The following LPIN2 variants were observed in gnomAD, a reference collection of about 807,000 sequenced individuals.
The protein encoded by LPIN2 is phosphatidate phosphatase LPIN2.
A neutral mutation model predicts 111.4 loss-of-function variants in LPIN2; 55 were observed. That is an observed-to-expected ratio of 0.49 (90% CI 0.40 to 0.62). LPIN2 has a LOEUF of 0.62. Among genes scored for constraint, LPIN2 ranks in the 20% least tolerant of loss-of-function variants. LPIN2 has a pLI of 0.00. For missense variants in LPIN2, 992 were observed against 1,112.1 expected, an observed-to-expected ratio of 0.89 and a Z score of 1.54; for synonymous variants, 425 against 414.0, an observed-to-expected ratio of 1.03 and a Z score of -0.32.
At chr18:2,951,468 T>G in intron 3 of LPIN2, 112 bp from the exon 4 acceptor site, 1 of 897,942 alleles carries the variant, frequency 1.1e-6, no homozygotes, top group Non-Finnish European at 1.7e-6. Context: ...AAAAAATACA[T>G]ATTCCCTAAA....
chr18:2,929,064 C>T lies in LPIN2; in HGVS notation c.1550+1G>A. 2 of 1,554,734 alleles carry T rather than the reference C, an allele frequency of 1.3e-6. No individual in the cohort carries two copies. The highest frequency in any genetic ancestry group is 2.2e-5 in the South Asian group (2 of 89,592). On this transcript the variant is annotated splice_donor_variant, in intron 10 of 19. Coordinates refer to ENST00000677752, the MANE Select transcript of LPIN2 (RefSeq NM_001375808.2). LOFTEE classifies it high-confidence loss of function. ...ACAATTATAAAAGCAGGAGTATTTA[C>T]CGATTATATATCCTTATTACAAGGT...
rs370048111 is a variant in LPIN2, at chr18:2,922,033, T to C, written c.2327+14A>G. ...CTGGGGCGGTGGGCAGAGGGCTGCC[T>C]GCCGGAGAGGTACCTGTGGAAGGCG... On this transcript the variant is annotated intron_variant, in intron 17 of 19. Transcript: ENST00000677752. 1.6e-5 allele frequency: 25 copies of C among 1,609,580 alleles called. No individual in the cohort carries two copies. In the African/African-American group the frequency reaches 3.2e-4, roughly 21 times the overall value.
intron 2 of LPIN2, among the ~76,000 whole-genome samples, chr18:2,956,479 T>A (rs367980917): frequency 1.3e-5 from 2 of 152,340 alleles, no homozygotes; most frequent in East Asian, 3.9e-4. Context: ...TAAAAGGAAC[T>A]GGCGTAAAAT....
intron 4 of LPIN2, among the ~76,000 whole-genome samples, chr18:2,942,974 G>A (rs566875258): frequency 6.6e-6 from 1 of 152,308 alleles, no homozygotes; most frequent in South Asian, 2.1e-4. Flanking sequence ...TCAGGGCTGG[G>A]GGCTCGGAGG....
At chr18:3,002,362 T>C (rs7232781) in intron 1 of LPIN2, among the ~76,000 whole-genome samples, 4,123 of 152,020 alleles carry the variant, frequency 0.027, 82 homozygotes, top group African/African-American at 0.058. Flanking sequence ...TCCATTCTAA[T>C]GAAAATCAAT....
At chr18:2,950,950 C>T in intron 4 of LPIN2, 105 bp downstream of exon 4, 1 of 1,260,968 alleles carries the variant, frequency 7.9e-7, no homozygotes, top group Non-Finnish European at 1.2e-6. Context: ...AGGGGGAAAA[C>T]AAGCCCAAAC....
chr18:2,924,561 T>A lies in LPIN2; in HGVS notation c.1939-15A>T. 1 of 1,613,748 alleles carries A rather than the reference T, an allele frequency of 6.2e-7. No individual in the cohort carries two copies. The highest frequency in any genetic ancestry group is 8.5e-7 in the Non-Finnish European group (1 of 1,179,642). On this transcript the variant is annotated splice_polypyrimidine_tract_variant and intron_variant, in intron 14 of 19. Coordinates refer to ENST00000677752, the MANE Select transcript of LPIN2 (RefSeq NM_001375808.2). ...TTCAGTTTTGCCTTTTAAAAAAGCA[T>A]AAGAATAAAGAAAATCAGCTGAAAA...
At chr18:2,985,325 C>T (rs764445067) in intron 1 of LPIN2, 2 of 152,120 alleles carry the variant, frequency 1.3e-5, no homozygotes, top group African/African-American at 2.4e-5. Flanking sequence ...TCTTAATCAT[C>T]CCTATGATTT....
At chr18:2,993,048 G>A (rs1200992504) in intron 1 of LPIN2, among the ~76,000 whole-genome samples, 1 of 151,992 alleles carries the variant, frequency 6.6e-6, no homozygotes, top group Non-Finnish European at 1.5e-5. Context: ...CAGAGGCTGA[G>A]GTGGGAGGAT....
In LPIN2 at chr18:2,920,773, CT is replaced by C; in HGVS notation, c.2546+4del. 1 of 1,611,270 alleles carries C rather than the reference CT, an allele frequency of 6.2e-7. No individual in the cohort carries two copies. The highest frequency in any genetic ancestry group is 8.5e-7 in the Non-Finnish European group (1 of 1,177,378). On this transcript the variant is annotated splice_donor_region_variant and intron_variant, in intron 19 of 19. Coordinates refer to ENST00000677752, the MANE Select transcript of LPIN2 (RefSeq NM_001375808.2). ...CGCCGGGCTGAGAGCTGAGAATGTA[CT>C]TACGATGACTTGTTTCCTTTGGTTC...
chr18:2,937,414 G>A (rs770171434), intron 7 of LPIN2, among the ~76,000 whole-genome samples: 1 of 151,820 alleles, frequency 6.6e-6, no homozygotes, highest in Non-Finnish European at 1.5e-5. Context: ...GGATGGTGGT[G>A]TGTGCCTGTA....
At position 2,958,156 on chromosome 18, in the gene LPIN2, AAC is replaced by A. The variant is rs1429610631; in HGVS notation, c.192+2491_192+2492del. On this transcript the variant is annotated intron_variant, in intron 2 of 19. Coordinates refer to ENST00000677752, the MANE Select transcript of LPIN2 (RefSeq NM_001375808.2). ...GACTCCATCTCAAAAAAAAAAAAAA[AAC>A]AACAAAAAAAAAAAACAGAAAAAAG... 5.9e-5 allele frequency among the ~76,000 whole-genome samples: 3 copies of A among 50,512 alleles called. 1 individual carries two copies. Among genetic ancestry groups the A allele is most frequent in the South Asian group, 1.0e-3 (2 of 1,958 alleles). 33.1% of individuals were successfully genotyped at this position (50,512 alleles called of 152,430 possible). A position where few individuals can be genotyped will look rare whatever the true frequency, so the allele number is the denominator to read the frequency against.
intron 1 of LPIN2, among the ~76,000 whole-genome samples, chr18:3,002,278 T>TATACCAGTA (rs2078446909): frequency 7.1e-6 from 1 of 140,280 alleles, no homozygotes; most frequent in South Asian, 2.2e-4. Flanking sequence ...ACAACATAGG[T>TATACCAGTA]ATACCAGTAC....
chr18:2,920,832 G>T lies in LPIN2; in HGVS notation c.2492C>A (p.Thr831Asn). ...TATTAATTCACCCTTGGGGTTCACG[G>T]TGAATATTCTACAGTCTGGAACTCC... Reference protein sequence around the residue: ...QVGVPDCRIFTVNPKGELIQE... With the variant: ...QVGVPDCRIFNVNPKGELIQE... Residue 831 changes from threonine to asparagine, a missense_variant, in exon 19 of 20, where the codon ACC becomes AAC. Physicochemically the swap from Thr to Asn is moderately conservative, Grantham distance 65. Transcript: ENST00000677752. The T allele has an allele frequency of 6.2e-7, 1 of 1,614,162 alleles. No homozygotes were observed. Among genetic ancestry groups the T allele is most frequent in the Non-Finnish European group, 8.5e-7 (1 of 1,179,998 alleles).
intron 2 of LPIN2, 118 bp downstream of exon 2, chr18:2,960,531 C>A: frequency 1.0e-6 from 1 of 983,978 alleles, no homozygotes; most frequent in Non-Finnish European, 1.6e-6. Context: ...AAAAAAAGGC[C>A]TAGAAAACTC....
chr18:2,990,701 C>T (rs182212944), intron 1 of LPIN2: 4 of 297,954 alleles, frequency 1.3e-5, no homozygotes, highest in African/African-American at 6.5e-5. Context: ...ATGAGAAAGA[C>T]ATATTGCAGT....
intron 4 of LPIN2, among the ~76,000 whole-genome samples, chr18:2,941,869 A>C (rs2077371143): frequency 6.6e-6 from 1 of 152,238 alleles, no homozygotes; most frequent in South Asian, 2.1e-4. Flanking sequence ...GGTTGCAGTG[A>C]GCGGAGATCG....
At chr18:2,922,279 C>T in intron 16 of LPIN2, 80 bp from the exon 17 acceptor site, 1 of 1,502,390 alleles carries the variant, frequency 6.7e-7, no homozygotes, top group Admixed American at 2.0e-5. Context: ...AAACCCCACA[C>T]TTTTCTTTCT....
chr18:2,991,645 G>A (rs1053569607), intron 1 of LPIN2, among the ~76,000 whole-genome samples: 3 of 152,180 alleles, frequency 2.0e-5, no homozygotes, highest in Middle Eastern at 3.4e-3. Flanking sequence ...CTAAGAGGTC[G>A]AGGCTGCAGT....
Sources: allele counts gnomAD v4.1 joint callset (sites outside exome capture counted in the v4.1 genomes callset), GRCh38; gene constraint gnomAD v4.1.1; transcripts MANE v1.5; gene names NCBI Gene and HGNC (gene_info 2026-07-23, HGNC 2026-07-21).